SUSD6: variants seen among roughly 807,000 people sequenced by gnomAD.
The protein encoded by SUSD6 is sushi domain-containing protein 6.
Under a neutral mutation model 28.4 loss-of-function variants are expected in SUSD6, and 16 were observed. That is an observed-to-expected ratio of 0.56 (90% CI 0.38 to 0.86). The LOEUF (loss-of-function observed/expected upper bound fraction) is 0.86, where lower values mean the gene tolerates loss of function less well. SUSD6 is among the 40% of genes least tolerant of loss of function. The probability of loss-of-function intolerance (pLI) is 0.00; values close to 1 mark genes in which losing one functional copy is unlikely to be tolerated. For synonymous variants in SUSD6, 147 were observed against 159.6 expected, an observed-to-expected ratio of 0.92 and a Z score of 0.59; for missense variants, 341 against 384.2, an observed-to-expected ratio of 0.89 and a Z score of 0.94.
intron 2 of SUSD6, among the ~76,000 whole-genome samples, chr14:69,678,572 G>A (rs959103898): frequency 7.2e-5 from 11 of 152,072 alleles, no homozygotes; most frequent in Non-Finnish European, 1.6e-4. Flanking sequence ...AGAGGCCGAG[G>A]TGGGCAGATC....
At chr14:69,710,921 A>G in intron 5 of SUSD6, 33 bp from the exon 6 acceptor site, 1 of 1,612,116 alleles carries the variant, frequency 6.2e-7, no homozygotes, top group African/African-American at 1.3e-5. Flanking sequence ...CACACAAGGT[A>G]ACCACTGTGC....
intron 1 of SUSD6, among the ~76,000 whole-genome samples, chr14:69,634,698 T>C (rs1885239621): frequency 9.2e-5 from 14 of 152,270 alleles, no homozygotes; most frequent in Admixed American, 9.2e-4. Context: ...TCTTTGTGAT[T>C]GTAGCTTGTA....
intron 1 of SUSD6, among the ~76,000 whole-genome samples, chr14:69,622,282 A>G (rs1004283337): frequency 6.6e-6 from 1 of 152,056 alleles, no homozygotes; most frequent in African/African-American, 2.4e-5. Flanking sequence ...CTCCCACCTC[A>G]GCCTCCTGAA....
At chr14:69,682,544 TA>T (rs997557080) in intron 2 of SUSD6, among the ~76,000 whole-genome samples, 5 of 150,904 alleles carry the variant, frequency 3.3e-5, no homozygotes, top group Middle Eastern at 3.4e-3. Context: ...TCTCCCCAAT[TA>T]AAAAAAAACA....
intron 1 of SUSD6, among the ~76,000 whole-genome samples, chr14:69,622,979 C>T (rs144670092): frequency 4.4e-4 from 67 of 152,296 alleles, no homozygotes; most frequent in African/African-American, 1.6e-3. Context: ...CTTTGGCAAC[C>T]AGTATGCATA....
chr14:69,654,311 A>G (rs1885546546), intron 1 of SUSD6, among the ~76,000 whole-genome samples: 2 of 152,216 alleles, frequency 1.3e-5, no homozygotes, highest in Admixed American at 1.3e-4. Context: ...GCTATTGAAG[A>G]TTCCGAGTTG....
At chr14:69,682,492 T>C (rs936923342) in intron 2 of SUSD6, among the ~76,000 whole-genome samples, 2 of 152,062 alleles carry the variant, frequency 1.3e-5, no homozygotes, top group African/African-American at 4.8e-5. Flanking sequence ...AGAAAAACAA[T>C]CCTTGTAATC....
At chr14:69,639,816 A>G (rs112310921) in intron 1 of SUSD6, among the ~76,000 whole-genome samples, 1,702 of 152,080 alleles carry the variant, frequency 0.011, 23 homozygotes, top group Non-Finnish European at 0.015. Flanking sequence ...GTAGCACCTT[A>G]CCCCCAAGGT....
intron 1 of SUSD6, among the ~76,000 whole-genome samples, chr14:69,625,466 C>T (rs1234585733): frequency 6.6e-6 from 1 of 152,150 alleles, no homozygotes; most frequent in African/African-American, 2.4e-5. Context: ...ACATGGTCTC[C>T]TTCATGTTTC....
intron 1 of SUSD6, among the ~76,000 whole-genome samples, chr14:69,634,906 T>C (rs890827315): frequency 5.9e-5 from 9 of 152,230 alleles, no homozygotes; most frequent in Non-Finnish European, 1.3e-4. Flanking sequence ...GTAATAAATA[T>C]AGAAGCCAGG....
At chr14:69,619,137 T>C (rs898776506) in intron 1 of SUSD6, among the ~76,000 whole-genome samples, 2 of 152,220 alleles carry the variant, frequency 1.3e-5, no homozygotes, top group Non-Finnish European at 2.9e-5. Context: ...CCCCCTCTTC[T>C]GGGCCTGGTC....
rs1886505372 is a variant in SUSD6 at position 69,713,832 on chromosome 14, GTTTGT to G, written c.*2857_*2861del. 1.5e-5 allele frequency: 2 copies of G among 132,482 alleles called. No homozygotes were observed. The highest frequency in any genetic ancestry group is 7.5e-5 in the Admixed American group (1 of 13,374). 8.2% of individuals were successfully genotyped at this position (132,482 alleles called of 1,614,324 possible). A position where few individuals can be genotyped will look rare whatever the true frequency, so the allele number is the denominator to read the frequency against. ...GTTTTTTTGTTTGTTTGTTGTTGGT[GTTTGT>G]TTTTTTTTTTTTTTTTTTGGCACAC... On this transcript the variant is annotated 3_prime_UTR_variant, in exon 6 of 6. Transcript: ENST00000342745.
chr14:69,636,096 G>T (rs1595035882), intron 1 of SUSD6, among the ~76,000 whole-genome samples: 1 of 152,230 alleles, frequency 6.6e-6, no homozygotes, highest in East Asian at 1.9e-4. Flanking sequence ...AGAAGAGGAG[G>T]AATTGTGCCT....
intron 2 of SUSD6, among the ~76,000 whole-genome samples, chr14:69,665,735 C>T (rs1392312456): frequency 6.6e-6 from 1 of 152,202 alleles, no homozygotes; most frequent in East Asian, 1.9e-4. Flanking sequence ...TATGCTTCAA[C>T]TCTTCACCTT....
chr14:69,613,706 G>C (rs1884916139), intron 1 of SUSD6, among the ~76,000 whole-genome samples: 1 of 152,188 alleles, frequency 6.6e-6, no homozygotes, highest in Non-Finnish European at 1.5e-5. Context: ...TCTGCCCAGC[G>C]AGTTAAACAG....
chr14:69,659,875 C>A (rs915321854), intron 2 of SUSD6, among the ~76,000 whole-genome samples: 1 of 152,118 alleles, frequency 6.6e-6, no homozygotes, highest in Non-Finnish European at 1.5e-5. Flanking sequence ...CTCCAGAGAC[C>A]CTTCTAGGCA....
intron 1 of SUSD6, among the ~76,000 whole-genome samples, chr14:69,642,570 A>T (rs552333700): frequency 6.6e-6 from 1 of 152,166 alleles, no homozygotes; most frequent in Non-Finnish European, 1.5e-5. Context: ...TGATAAACCC[A>T]TCAGATCTTG....
intron 2 of SUSD6, among the ~76,000 whole-genome samples, chr14:69,675,617 C>T (rs1396118444): frequency 6.6e-6 from 1 of 151,898 alleles, no homozygotes; most frequent in Non-Finnish European, 1.5e-5. Context: ...TAGCAGGTAG[C>T]AATAGCTGCA....
In SUSD6 at chr14:69,686,603, C is replaced by T. The variant is rs139349773; in HGVS notation, c.122-16792C>T. 9.5e-4 allele frequency among the ~76,000 whole-genome samples: 145 copies of T among 152,260 alleles called. 1 individual carries two copies. Among genetic ancestry groups the T allele is most frequent in the African/African-American group, 3.3e-3 (138 of 41,542 alleles). ...TACATTTCCAGGTGGCCAAGAAAGC[C>T]TCCCAATCATGGTGGAAGGCAAGGA... On this transcript the variant is annotated intron_variant, in intron 2 of 5. Transcript: ENST00000342745.
Sources: gnomAD v4.1 joint callset for allele counts (sites outside exome capture counted in the v4.1 genomes callset) on GRCh38, gnomAD v4.1.1 for gene constraint, MANE v1.5 for transcripts, NCBI Gene and HGNC (gene_info 2026-07-23, HGNC 2026-07-21) for gene names.